The following CAMK2D variants were observed in gnomAD, a reference collection of about 807,000 sequenced individuals.
The protein encoded by CAMK2D is calcium/calmodulin dependent protein kinase II delta.
In CAMK2D, 37 loss-of-function variants were observed where a neutral mutation model predicts 84.0. The observed-to-expected ratio is 0.44, with a 90% CI of 0.34 to 0.58. CAMK2D has a LOEUF of 0.58. Ranked by LOEUF, CAMK2D falls within the 20% of genes least tolerant of loss-of-function variation. The pLI is 0.02. For missense variants in CAMK2D, 448 were observed against 652.5 expected (o/e 0.69, Z 3.41); for synonymous variants, 202 against 212.5 (o/e 0.95, Z 0.43).
chr4:113,505,503 A>G (rs2098117258), intron 13 of CAMK2D, among the ~76,000 whole-genome samples: 1 of 152,204 alleles, frequency 6.6e-6, no homozygotes, highest in Non-Finnish European at 1.5e-5. Context: ...CTTAGGAGCA[A>G]TTAAATTATC....
chr4:113,523,024 C>T (rs763982192), intron 8 of CAMK2D, among the ~76,000 whole-genome samples: 21 of 152,150 alleles, frequency 1.4e-4, no homozygotes, highest in Non-Finnish European at 2.8e-4. Context: ...AGCTAGCTAG[C>T]TAGCTCTCTT....
At chr4:113,610,957 T>C (rs969226864) in intron 3 of CAMK2D, among the ~76,000 whole-genome samples, 3 of 152,238 alleles carry the variant, frequency 2.0e-5, no homozygotes, top group Admixed American at 2.0e-4. Context: ...AGATGGTCTT[T>C]CATCAAATTG....
At chr4:113,555,408 C>A (rs899517441) in intron 4 of CAMK2D, among the ~76,000 whole-genome samples, 1 of 151,988 alleles carries the variant, frequency 6.6e-6, no homozygotes, top group African/African-American at 2.4e-5. Context: ...AGGACTGGGA[C>A]TAACTCTGGA....
chr4:113,502,443 T>A (rs1554676005), intron 15 of CAMK2D, among the ~76,000 whole-genome samples: 4 of 129,376 alleles, frequency 3.1e-5, no homozygotes, highest in African/African-American at 3.2e-5. Context: ...CAACAAGGAA[T>A]TAAGAAACCA....
At position 113,740,590 on chromosome 4, in the gene CAMK2D, T is replaced by C. The variant is rs55846903; in HGVS notation, c.160+18730A>G. On this transcript the variant is annotated intron_variant, in intron 2 of 20. Coordinates refer to ENST00000511664, the MANE Select transcript of CAMK2D (RefSeq NM_001321571.2). ...ATTTCCCATTCCAATCTTAGTATAC[T>C]CTACTTTTCCCCTTCTCAGTTACAG... Among the ~76,000 whole-genome samples, 273 of 152,214 alleles carry C rather than the reference T, an allele frequency of 1.8e-3. 1 individual carries two copies. Among genetic ancestry groups the C allele is most frequent in the African/African-American group, 6.4e-3 (266 of 41,526 alleles).
chr4:113,508,682 C>T (rs1276237705), intron 13 of CAMK2D, among the ~76,000 whole-genome samples: 1 of 152,150 alleles, frequency 6.6e-6, no homozygotes, highest in African/African-American at 2.4e-5. Context: ...CACAAATGCA[C>T]AGTCATCAGT....
chr4:113,511,020 C>T (rs1048733061), intron 12 of CAMK2D, among the ~76,000 whole-genome samples: 1 of 151,888 alleles, frequency 6.6e-6, no homozygotes, highest in Admixed American at 6.6e-5. Flanking sequence ...CAATAGCAAG[C>T]AAAGAGAAGA....
intron 2 of CAMK2D, among the ~76,000 whole-genome samples, chr4:113,736,254 T>A (rs1376213352): frequency 6.6e-6 from 1 of 152,180 alleles, no homozygotes; most frequent in Non-Finnish European, 1.5e-5. Flanking sequence ...AATTTTTAGA[T>A]GCTATTCTTC....
At chr4:113,645,583 C>T (rs957840887) in intron 3 of CAMK2D, among the ~76,000 whole-genome samples, 27 of 152,054 alleles carry the variant, frequency 1.8e-4, no homozygotes, top group African/African-American at 6.0e-4. Flanking sequence ...TCTTTCCTGA[C>T]TACTGTAGTT....
At chr4:113,733,325 C>T (rs182925401) in intron 2 of CAMK2D, among the ~76,000 whole-genome samples, 8 of 152,316 alleles carry the variant, frequency 5.3e-5, no homozygotes, top group African/African-American at 1.7e-4. Flanking sequence ...TGTCTTTTCT[C>T]CTGAGTAAGC....
chr4:113,513,293 C>T, intron 12 of CAMK2D, 35 bp downstream of exon 12: 1 of 1,603,728 alleles, frequency 6.2e-7, no homozygotes, highest in Non-Finnish European at 8.5e-7. Context: ...AAAAGAAGAC[C>T]AAGGGATAAG....
At chr4:113,733,982 T>C (rs2099575208) in intron 2 of CAMK2D, among the ~76,000 whole-genome samples, 1 of 152,130 alleles carries the variant, frequency 6.6e-6, no homozygotes, top group African/African-American at 2.4e-5. Flanking sequence ...ACAAGAAAAA[T>C]GTTGTTTTTA....
At chr4:113,674,394 G>GT (rs1487590348) in intron 2 of CAMK2D, among the ~76,000 whole-genome samples, 3 of 152,088 alleles carry the variant, frequency 2.0e-5, no homozygotes, top group African/African-American at 4.8e-5. Context: ...TCTGTCTCAG[G>GT]TAAGTACTGC....
intron 2 of CAMK2D, among the ~76,000 whole-genome samples, chr4:113,671,580 G>C (rs528881341): frequency 6.6e-6 from 1 of 152,136 alleles, no homozygotes; most frequent in Non-Finnish European, 1.5e-5. Context: ...GAACATTTTT[G>C]AGATCTAACA....
intron 2 of CAMK2D, among the ~76,000 whole-genome samples, chr4:113,728,450 T>C (rs2099552697): frequency 6.6e-6 from 1 of 151,592 alleles, no homozygotes; most frequent in Non-Finnish European, 1.5e-5. Context: ...GTCTGTAGAG[T>C]GGGAGGATGT....
intron 7 of CAMK2D, among the ~76,000 whole-genome samples, chr4:113,532,637 A>G (rs1490709686): frequency 6.6e-6 from 1 of 152,192 alleles, no homozygotes; most frequent in African/African-American, 2.4e-5. Flanking sequence ...TCTAGAGTTG[A>G]CAGGCAATGA....
In CAMK2D at chr4:113,609,134, T is replaced by C; in HGVS notation, c.275+18A>G. On this transcript the variant is annotated intron_variant, in intron 4 of 20. Transcript: ENST00000511664. Reference sequence around the variant, plus strand: ...TCAATTAGATTGCAAAAATAATGAATACAGAGTATATACTTACAAATCAAA... The same window carrying C: ...TCAATTAGATTGCAAAAATAATGAACACAGAGTATATACTTACAAATCAAA... 7.2e-7 allele frequency: 1 copy of C among 1,397,634 alleles called. No individual in the cohort carries two copies. The highest frequency in any genetic ancestry group is 1.0e-6 in the Non-Finnish European group (1 of 983,108). 86.6% of individuals were successfully genotyped at this position (1,397,634 alleles called of 1,614,324 possible).
chr4:113,521,130 G>C (rs963501441), intron 8 of CAMK2D, among the ~76,000 whole-genome samples: 1 of 152,090 alleles, frequency 6.6e-6, no homozygotes, highest in Non-Finnish European at 1.5e-5. Flanking sequence ...AGTTCATATA[G>C]GAAAGATAGG....
At chr4:113,542,421 A>T (rs946213787) in intron 6 of CAMK2D, among the ~76,000 whole-genome samples, 3 of 152,164 alleles carry the variant, frequency 2.0e-5, no homozygotes, top group Non-Finnish European at 4.4e-5. Flanking sequence ...CCCATGGTTA[A>T]CAAGAATTTA....
Sources: gnomAD v4.1 joint callset for allele counts (sites outside exome capture counted in the v4.1 genomes callset) on GRCh38, gnomAD v4.1.1 for gene constraint, MANE v1.5 for transcripts, NCBI Gene and HGNC (gene_info 2026-07-23, HGNC 2026-07-21) for gene names.